The following TAF5 variants were observed in gnomAD, a reference collection of about 807,000 sequenced individuals.
The protein encoded by TAF5 is TATA-box binding protein associated factor 5.
Under a neutral mutation model 80.9 loss-of-function variants are expected in TAF5, and 20 were observed. That is an observed-to-expected ratio of 0.25 (90% CI 0.17 to 0.36). TAF5 has a LOEUF of 0.36. Among genes scored for constraint, TAF5 ranks in the 10% least tolerant of loss-of-function variants. The pLI is 1.00. For synonymous variants in TAF5, 388 were observed against 406.4 expected, an observed-to-expected ratio of 0.95 and a Z score of 0.55; for missense variants, 863 against 1,029.4, an observed-to-expected ratio of 0.84 and a Z score of 2.21.
chr10:103,381,305 C>T (rs1028599606), intron 5 of TAF5, among the ~76,000 whole-genome samples: 10 of 151,920 alleles, frequency 6.6e-5, no homozygotes, highest in African/African-American at 1.9e-4. Flanking sequence ...CTCACTCTGT[C>T]GCCCAGGCTG....
In TAF5 at chr10:103,388,618, T is replaced by C. The variant is rs1439534343; in HGVS notation, c.*395T>C. 6.1e-6 allele frequency: 1 copy of C among 164,514 alleles called. No homozygotes were observed. Among genetic ancestry groups the C allele is most frequent in the African/African-American group, 2.4e-5 (1 of 41,576 alleles). 10.2% of individuals were successfully genotyped at this position (164,514 alleles called of 1,614,324 possible). A position where few individuals can be genotyped will look rare whatever the true frequency, so the allele number is the denominator to read the frequency against. On this transcript the variant is annotated 3_prime_UTR_variant, in exon 11 of 11. Coordinates refer to ENST00000369839, the MANE Select transcript of TAF5 (RefSeq NM_006951.5). Reference sequence around the variant, plus strand: ...TTTTAGCTGAAGAATCCTATGAGCATGTATGTTTCTGCTGTAAAAACGTAG... The same window carrying C: ...TTTTAGCTGAAGAATCCTATGAGCACGTATGTTTCTGCTGTAAAAACGTAG...
intron 8 of TAF5, among the ~76,000 whole-genome samples, chr10:103,386,003 A>G (rs2093395489): frequency 6.6e-6 from 1 of 151,734 alleles, no homozygotes; most frequent in African/African-American, 2.4e-5. Context: ...CATCTATATG[A>G]ATCCTGGTTT....
intron 7 of TAF5, among the ~76,000 whole-genome samples, chr10:103,384,828 G>A (rs2093391896): frequency 6.6e-6 from 1 of 152,096 alleles, no homozygotes; most frequent in African/African-American, 2.4e-5. Context: ...CTTGAAAAAG[G>A]TAGAGAATTA....
In TAF5 at chr10:103,381,710, T is replaced by G; in HGVS notation, c.1414-11T>G. 1 of 1,614,050 alleles carries G rather than the reference T, an allele frequency of 6.2e-7. No individual in the cohort carries two copies. Among genetic ancestry groups the G allele is most frequent in the Non-Finnish European group, 8.5e-7 (1 of 1,179,940 alleles). On this transcript the variant is annotated splice_polypyrimidine_tract_variant and intron_variant, in intron 5 of 10. Transcript: ENST00000369839. ...AAATAGTATTGTTTAGTCTAACCCT[T>G]TTATTGGCAGGGTCTCACTGCAGTG... is the stretch of plus-strand genomic sequence containing the variant.
rs1332026533 is a variant in TAF5 at position 103,368,241 on chromosome 10, T to C, written c.252T>C (p.Ala84=). 2.0e-6 allele frequency: 3 copies of C among 1,486,988 alleles called. No homozygotes were observed. Among genetic ancestry groups the C allele is most frequent in the Non-Finnish European group, 1.8e-6 (2 of 1,122,272 alleles). 92.1% of individuals were successfully genotyped at this position (1,486,988 alleles called of 1,614,324 possible). Residue 84 remains alanine, a synonymous_variant, in exon 1 of 11, where the codon GCT becomes GCC. Transcript: ENST00000369839. ...CGGGGGCGGCCCCGGTGCCCGCCGC[T>C]GCTCCGGACGCCGGCGCTCCGCATG... ...APAGAAPVPA[A]APDAGAPHDR...
chr10:103,385,014 TTTG>T (rs1406403954), intron 7 of TAF5, among the ~76,000 whole-genome samples: 2 of 152,238 alleles, frequency 1.3e-5, no homozygotes, highest in African/African-American at 4.8e-5. Context: ...TTGACTATAC[TTTG>T]TTAATTACCC....
chr10:103,379,931 T>C lies in TAF5; in HGVS notation c.1325T>C (p.Met442Thr), dbSNP rs1473759264. ...LKDSDKLDKI[M>T]NMKETTKRVR... ...GATTCAGATAAGTTGGATAAGATAATGAATATGAAAGAAACCACCAAACGA... is the reference window on the plus strand; with the variant it reads ...GATTCAGATAAGTTGGATAAGATAACGAATATGAAAGAAACCACCAAACGA... The change falls in exon 5 of 11, where the codon ATG becomes ACG. Residue 442 changes from methionine (M) to threonine (T), a missense_variant. By Grantham distance (81) the Met-to-Thr change is moderately conservative. Coordinates refer to ENST00000369839, the MANE Select transcript of TAF5 (RefSeq NM_006951.5). 15 of 1,614,030 alleles carry C rather than the reference T, an allele frequency of 9.3e-6. No homozygotes were observed. Among genetic ancestry groups the C allele is most frequent in the Non-Finnish European group, 1.0e-5 (12 of 1,179,998 alleles).
intron 6 of TAF5, among the ~76,000 whole-genome samples, chr10:103,382,468 G>T (rs753629720): frequency 2.0e-5 from 3 of 151,624 alleles, no homozygotes; most frequent in Non-Finnish European, 4.4e-5. Context: ...CAAGTGATCC[G>T]CCTGTCTGGC....
chr10:103,388,139 TATG>T lies in TAF5; in HGVS notation c.2321_2323del (p.Met774del). ...CACAGGAGTTATTGTTGGGAACATA[TATG>T]ACCAAATCAACACCAGTTGTACACC... On this transcript the variant is annotated inframe_deletion, in exon 11 of 11. Coordinates refer to ENST00000369839, the MANE Select transcript of TAF5 (RefSeq NM_006951.5). 6.2e-7 allele frequency: 1 copy of T among 1,614,086 alleles called. No individual in the cohort carries two copies. The highest frequency in any genetic ancestry group is 8.5e-7 in the Non-Finnish European group (1 of 1,179,980).
Position 103,378,612 on chromosome 10 carries a change from TACATA to T in TAF5, c.1113+64_1113+68del, listed in dbSNP as rs2093374913. 4.1e-6 allele frequency: 6 copies of T among 1,477,238 alleles called. No homozygotes were observed. The highest frequency in any genetic ancestry group is 1.4e-5 in the African/African-American group (1 of 71,200). The allele number at this position is 1,477,238 out of a possible 1,614,324, so 91.5% of individuals were successfully genotyped here. A position where few individuals can be genotyped will look rare whatever the true frequency, so the allele number is the denominator to read the frequency against. ...TATGAAAAATTGTAGCATTTCCATC[TACATA>T]AGTTACACATTTTTCTTATAGCTAG... On this transcript the variant is annotated intron_variant, in intron 3 of 10. Coordinates refer to ENST00000369839, the MANE Select transcript of TAF5 (RefSeq NM_006951.5). The surrounding 1 kb of genome is among the most constrained non-coding windows in gnomAD (Gnocchi z 4.1).
chr10:103,373,284 G>A (rs1194012968), intron 1 of TAF5, 74 bp from the exon 2 acceptor site: 13 of 1,191,562 alleles, frequency 1.1e-5, no homozygotes, highest in Non-Finnish European at 1.6e-5. Flanking sequence ...CTCACCTGTG[G>A]GCTTTAACAA....
In TAF5 at chr10:103,368,251, G is replaced by C; in HGVS notation, c.262G>C (p.Ala88Pro). 9 of 1,508,106 alleles carry C rather than the reference G, an allele frequency of 6.0e-6. No homozygotes were observed. The highest frequency in any genetic ancestry group is 7.9e-6 in the Non-Finnish European group (9 of 1,133,780). 93.4% of individuals were successfully genotyped at this position (1,508,106 alleles called of 1,614,324 possible). A position where few individuals can be genotyped will look rare whatever the true frequency, so the allele number is the denominator to read the frequency against. Residue 88 changes from alanine to proline, a missense_variant, in exon 1 of 11, where the codon GCC becomes CCC. Coordinates refer to ENST00000369839, the MANE Select transcript of TAF5 (RefSeq NM_006951.5). ...AAPVPAAAPD[A>P]GAPHDRQTLL... ...CCCGGTGCCCGCCGCTGCTCCGGAC[G>C]CCGGCGCTCCGCATGACCGACAGAC...
At chr10:103,369,822 AT>A (rs2093354980) in intron 1 of TAF5, among the ~76,000 whole-genome samples, 1 of 152,164 alleles carries the variant, frequency 6.6e-6, no homozygotes. Flanking sequence ...GTATTGACAT[AT>A]GGCAGCTTGA....
chr10:103,370,163 C>A (rs935087280), intron 1 of TAF5, among the ~76,000 whole-genome samples: 9 of 151,346 alleles, frequency 5.9e-5, no homozygotes, highest in African/African-American at 2.2e-4. Flanking sequence ...CCCCGGGAGG[C>A]TGAGGTTGCA....
chr10:103,384,646 A>G (rs1016595396), intron 7 of TAF5, among the ~76,000 whole-genome samples: 9 of 152,230 alleles, frequency 5.9e-5, no homozygotes, highest in African/African-American at 2.2e-4. Flanking sequence ...AAAGAAGAAA[A>G]GAAAAAAAGA....
At chr10:103,372,569 C>T (rs1472925185) in intron 1 of TAF5, among the ~76,000 whole-genome samples, 2 of 150,178 alleles carry the variant, frequency 1.3e-5, no homozygotes, top group Non-Finnish European at 3.0e-5. Context: ...CTCCTGACCT[C>T]GTGATCCACC....
chr10:103,372,564 G>A (rs959168731), intron 1 of TAF5, among the ~76,000 whole-genome samples: 13 of 150,636 alleles, frequency 8.6e-5, no homozygotes, highest in African/African-American at 3.2e-4. Flanking sequence ...TCGATCTCCT[G>A]ACCTCGTGAT....
Position 103,378,657 on chromosome 10 carries a change from T to C in TAF5, c.1113+107T>C, listed in dbSNP as rs2093375056. 3 of 1,307,044 alleles carry C rather than the reference T, an allele frequency of 2.3e-6. No individual in the cohort carries two copies. The highest frequency in any genetic ancestry group is 3.1e-6 in the Non-Finnish European group (3 of 969,486). 81.0% of individuals were successfully genotyped at this position (1,307,044 alleles called of 1,614,324 possible). On this transcript the variant is annotated intron_variant, in intron 3 of 10. Transcript: ENST00000369839. The surrounding 1 kb of genome is among the most constrained non-coding windows in gnomAD (Gnocchi z 4.1). ...CTTATAGCTAGCTTGGAAACAATTT[T>C]TTTCGTTTGTTTGTTTTGAGACGGA...
chr10:103,368,174 G>T lies in TAF5; in HGVS notation c.185G>T (p.Gly62Val). 2 of 1,392,590 alleles carry T rather than the reference G, an allele frequency of 1.4e-6. No homozygotes were observed. The highest frequency in any genetic ancestry group is 2.0e-4 in the Middle Eastern group (1 of 5,038). The allele number at this position is 1,392,590 out of a possible 1,614,324, so 86.3% of individuals were successfully genotyped here. A position where few individuals can be genotyped will look rare whatever the true frequency, so the allele number is the denominator to read the frequency against. ...AASSSTGGDG[G>V]TPKPTVAVSA... ...TCGTCGTCCACTGGCGGGGATGGCG[G>T]GACCCCCAAGCCCACGGTGGCTGTC... The change falls in exon 1 of 11, where the codon GGG (glycine) becomes GTG (valine). Residue 62 changes from glycine to valine, a missense_variant. Transcript: ENST00000369839.
Sources: allele counts gnomAD v4.1 joint callset (sites outside exome capture counted in the v4.1 genomes callset), GRCh38; gene constraint gnomAD v4.1.1; non-coding constraint Gnocchi (gnomAD v3.1); transcripts MANE v1.5; gene names NCBI Gene and HGNC (gene_info 2026-07-23, HGNC 2026-07-21).